The following STAG1 variants were observed in gnomAD, a reference collection of about 807,000 sequenced individuals.
STAG1 encodes STAG1 cohesin complex component.
In STAG1, 26 loss-of-function variants were observed where a neutral mutation model predicts 170.9. The ratio of observed to expected loss-of-function variants is 0.15; its 90% CI spans 0.11 to 0.21. The LOEUF (loss-of-function observed/expected upper bound fraction) is 0.21, where lower values mean the gene tolerates loss of function less well. Among genes scored for constraint, STAG1 ranks in the 10% least tolerant of loss-of-function variants. The probability of loss-of-function intolerance (pLI) is 1.00; values close to 1 mark genes in which losing one functional copy is unlikely to be tolerated. For missense variants in STAG1, 964 were observed against 1,509.5 expected (o/e 0.64, Z 5.99); for synonymous variants, 514 against 497.7 (o/e 1.03, Z -0.44).
At chr3:136,746,070 G>A (rs1357250842) in intron 1 of STAG1, among the ~76,000 whole-genome samples, 3 of 152,190 alleles carry the variant, frequency 2.0e-5, no homozygotes, top group Non-Finnish European at 4.4e-5. Context: ...GCAGGAAGCT[G>A]ACTGTCCCCT....
intron 21 of STAG1, among the ~76,000 whole-genome samples, chr3:136,415,815 C>T (rs1431692972): frequency 1.3e-5 from 2 of 152,090 alleles, no homozygotes; most frequent in African/African-American, 2.4e-5. Flanking sequence ...GAGCGAGACT[C>T]GGTCTCAAAC....
At chr3:136,456,753 G>C (rs1031824708) in intron 13 of STAG1, among the ~76,000 whole-genome samples, 2 of 152,092 alleles carry the variant, frequency 1.3e-5, no homozygotes, top group Non-Finnish European at 2.9e-5. Context: ...AATATTCAAA[G>C]CATCAAAAGA....
chr3:136,618,259 C>T (rs1004364045), intron 3 of STAG1, among the ~76,000 whole-genome samples: 1 of 152,150 alleles, frequency 6.6e-6, no homozygotes, highest in Non-Finnish European at 1.5e-5. Context: ...ATTAGCCAAT[C>T]GGAATTAGTT....
chr3:136,628,057 C>T (rs189464180), intron 2 of STAG1, among the ~76,000 whole-genome samples: 2 of 152,230 alleles, frequency 1.3e-5, no homozygotes, highest in African/African-American at 2.4e-5. Flanking sequence ...AACTGTAATC[C>T]CCACCTGTCG....
intron 12 of STAG1, among the ~76,000 whole-genome samples, chr3:136,469,309 C>G (rs568524168): frequency 1.3e-3 from 201 of 152,246 alleles, no homozygotes; most frequent in African/African-American, 3.0e-3. Flanking sequence ...AATCAATGTA[C>G]AAAAATCACA....
rs1410036211 is a variant in STAG1 at position 136,412,923 on chromosome 3, G to A, written c.2196+4962C>T. ...ATCACCCAGGCTGGAGTGCAGTGGC[G>A]TAAATCTCAGCTCACTGCAACCTCC... On this transcript the variant is annotated intron_variant, in intron 21 of 33. Coordinates refer to ENST00000383202, the MANE Select transcript of STAG1 (RefSeq NM_005862.3). Among the ~76,000 whole-genome samples, 4 of 150,366 alleles carry A rather than the reference G, an allele frequency of 2.7e-5. No homozygotes were observed. In the South Asian group the frequency reaches 6.3e-4, roughly 24 times the overall value.
chr3:136,689,236 C>A (rs1328630763), intron 1 of STAG1, among the ~76,000 whole-genome samples: 1 of 152,078 alleles, frequency 6.6e-6, no homozygotes, highest in African/African-American at 2.4e-5. Flanking sequence ...TATTGCATAC[C>A]CATGGGAAGG....
At chr3:136,585,923 A>G (rs1177980147) in intron 4 of STAG1, among the ~76,000 whole-genome samples, 1 of 152,202 alleles carries the variant, frequency 6.6e-6, no homozygotes, top group African/African-American at 2.4e-5. Context: ...GTGTACAATG[A>G]GAAACTGCAC....
At chr3:136,699,892 C>T (rs1028455341) in intron 1 of STAG1, among the ~76,000 whole-genome samples, 2 of 151,868 alleles carry the variant, frequency 1.3e-5, no homozygotes, top group Non-Finnish European at 2.9e-5. Flanking sequence ...TCAGATGAAG[C>T]GGTAAGAAAT....
intron 1 of STAG1, among the ~76,000 whole-genome samples, chr3:136,632,927 T>C (rs1306015132): frequency 6.6e-6 from 1 of 151,896 alleles, no homozygotes; most frequent in Non-Finnish European, 1.5e-5. Flanking sequence ...TTTAGGTAAA[T>C]CTATCAGGTT....
intron 21 of STAG1, among the ~76,000 whole-genome samples, chr3:136,403,383 T>C (rs1007180553): frequency 6.6e-5 from 10 of 151,964 alleles, no homozygotes; most frequent in Non-Finnish European, 2.9e-5. Context: ...AATTAAATGA[T>C]TGACTCATGT....
At chr3:136,468,682 A>C (rs2089540063) in intron 12 of STAG1, among the ~76,000 whole-genome samples, 1 of 152,226 alleles carries the variant, frequency 6.6e-6, no homozygotes, top group Non-Finnish European at 1.5e-5. Context: ...ACACATAACA[A>C]AAAAAGAGAA....
At chr3:136,695,683 T>G (rs1003363394) in intron 1 of STAG1, among the ~76,000 whole-genome samples, 1 of 147,472 alleles carries the variant, frequency 6.8e-6, no homozygotes, top group Admixed American at 6.8e-5. Context: ...AAAGTCCCCA[T>G]ACACAGGAAG....
At chr3:136,354,658 C>G (rs1016098257) in intron 28 of STAG1, among the ~76,000 whole-genome samples, 5 of 146,652 alleles carry the variant, frequency 3.4e-5, no homozygotes, top group Non-Finnish European at 7.5e-5. Flanking sequence ...AGGAAAATAA[C>G]TAAAAAAATA....
chr3:136,548,335 A>T (rs1707050140), intron 5 of STAG1, among the ~76,000 whole-genome samples: 1 of 152,064 alleles, frequency 6.6e-6, no homozygotes, highest in Admixed American at 6.5e-5. Context: ...GCTGGTCTCA[A>T]ACTCATGGGC....
chr3:136,439,431 CACACACACACAA>C (rs751333679), intron 15 of STAG1, among the ~76,000 whole-genome samples: 6,671 of 143,744 alleles, frequency 0.046, 197 homozygotes, highest in Non-Finnish European at 0.059. Context: ...CACACACACA[CACACACACACAA>C]ACACTGTAAG....
chr3:136,484,123 G>A (rs1240640233), intron 9 of STAG1, among the ~76,000 whole-genome samples: 86 of 143,298 alleles, frequency 6.0e-4, no homozygotes, highest in African/African-American at 2.2e-3. Context: ...TGCTGGTGAG[G>A]AACTGCGTTC....
At chr3:136,536,604 G>C (rs551337401) in intron 6 of STAG1, among the ~76,000 whole-genome samples, 23 of 150,962 alleles carry the variant, frequency 1.5e-4, no homozygotes, top group Admixed American at 3.3e-4. Context: ...AGGAGGCTAA[G>C]GCACGAGAAT....
At chr3:136,657,162 C>T (rs187887233) in intron 1 of STAG1, among the ~76,000 whole-genome samples, 64 of 146,846 alleles carry the variant, frequency 4.4e-4, no homozygotes, top group East Asian at 5.9e-4. Context: ...ATATAAAGAA[C>T]GTCCTCTCCT....
Sources: gnomAD v4.1 joint callset for allele counts (sites outside exome capture counted in the v4.1 genomes callset) on GRCh38, gnomAD v4.1.1 for gene constraint, MANE v1.5 for transcripts, NCBI Gene and HGNC (gene_info 2026-07-23, HGNC 2026-07-21) for gene names.